CSMD3: variants seen among roughly 807,000 people sequenced by gnomAD.
CSMD3 encodes the protein CUB and Sushi multiple domains 3.
A neutral mutation model predicts 435.2 loss-of-function variants in CSMD3; 177 were observed. The observed-to-expected ratio is 0.41, with a 90% CI of 0.36 to 0.46. The LOEUF (loss-of-function observed/expected upper bound fraction) is 0.46, where lower values mean the gene tolerates loss of function less well. Ranked by LOEUF, CSMD3 falls within the 20% of genes least tolerant of loss-of-function variation. The pLI, the probability that CSMD3 is intolerant of heterozygous loss-of-function variation, is 0.34. For missense variants in CSMD3, 4,265 were observed against 4,504.6 expected, an observed-to-expected ratio of 0.95 and a Z score of 1.52; for synonymous variants, 1,656 against 1,520.5, an observed-to-expected ratio of 1.09 and a Z score of -2.07.
chr8:113,398,451 TA>T (rs1250278542), intron 1 of CSMD3, among the ~76,000 whole-genome samples: 1 of 152,148 alleles, frequency 6.6e-6, no homozygotes, highest in Non-Finnish European at 1.5e-5. Context: ...AGCAAATCCC[TA>T]GTTTATTTTT....
intron 24 of CSMD3, among the ~76,000 whole-genome samples, chr8:112,558,122 G>A (rs1226251519): frequency 1.3e-5 from 2 of 151,708 alleles, no homozygotes; most frequent in African/African-American, 2.4e-5. Flanking sequence ...TGATTAGAAG[G>A]CCTCAGAAGC....
chr8:112,492,553 T>C lies in CSMD3; in HGVS notation c.5214A>G (p.Thr1738=), dbSNP rs1184183898. 6.2e-7 allele frequency: 1 copy of C among 1,613,876 alleles called. No homozygotes were observed. Among genetic ancestry groups the C allele is most frequent in the Non-Finnish European group, 8.5e-7 (1 of 1,179,818 alleles). Residue 1738 remains threonine, a synonymous_variant, in exon 31 of 71, where the codon ACA becomes ACG. Coordinates refer to ENST00000297405, the MANE Select transcript of CSMD3 (RefSeq NM_198123.2). ...DAGYVLQGYS[T]LTCIMGDDGR... is the part of the protein sequence containing the mutation. ...CATCATCTCCCATGATACAGGTGAG[T>C]GTTGAATAACCTTGAAGAACATAAC...
intron 5 of CSMD3, among the ~76,000 whole-genome samples, chr8:113,062,981 A>C (rs1422204301): frequency 6.6e-6 from 1 of 151,734 alleles, no homozygotes; most frequent in Non-Finnish European, 1.5e-5. Context: ...TACTGATTAT[A>C]GTTTTGTTAA....
chr8:112,975,723 T>G (rs1253598857), intron 7 of CSMD3, 114 bp downstream of exon 7: 5 of 1,532,850 alleles, frequency 3.3e-6, no homozygotes, highest in Middle Eastern at 2.4e-4. Context: ...TTTGAACTTT[T>G]TCTTTTGCTT....
At chr8:113,176,364 T>A (rs2092346584) in intron 3 of CSMD3, among the ~76,000 whole-genome samples, 1 of 152,064 alleles carries the variant, frequency 6.6e-6, no homozygotes, top group Admixed American at 6.6e-5. Flanking sequence ...ATTATATTTT[T>A]GTCTTCTTCC....
intron 10 of CSMD3, among the ~76,000 whole-genome samples, chr8:112,870,017 T>G (rs780866748): frequency 5.9e-5 from 9 of 152,216 alleles, no homozygotes; most frequent in Non-Finnish European, 1.3e-4. Flanking sequence ...CTGCACGTTC[T>G]GCATATGTAT....
intron 4 of CSMD3, among the ~76,000 whole-genome samples, chr8:113,148,611 G>A (rs932861640): frequency 1.3e-5 from 2 of 151,644 alleles, no homozygotes; most frequent in African/African-American, 4.8e-5. Flanking sequence ...AATGAGCAAT[G>A]AATTAATACA....
intron 59 of CSMD3, among the ~76,000 whole-genome samples, chr8:112,276,278 AG>A (rs1818031606): frequency 6.6e-6 from 1 of 152,320 alleles, no homozygotes; most frequent in African/African-American, 2.4e-5. Flanking sequence ...GTGGCTTTGC[AG>A]GTACAGCCTC....
intron 66 of CSMD3, among the ~76,000 whole-genome samples, chr8:112,237,978 T>C (rs749559430): frequency 2.0e-4 from 30 of 152,216 alleles, no homozygotes; most frequent in Non-Finnish European, 4.3e-4. Flanking sequence ...TGAATTGTGG[T>C]AGAATCAAAG....
At chr8:113,399,382 C>T (rs1364963357) in intron 1 of CSMD3, among the ~76,000 whole-genome samples, 1 of 151,640 alleles carries the variant, frequency 6.6e-6, no homozygotes, top group Non-Finnish European at 1.5e-5. Context: ...AACTTCTTAA[C>T]AGCACTGTTA....
chr8:112,654,156 A>C (rs2075201192), intron 18 of CSMD3, among the ~76,000 whole-genome samples: 1 of 152,212 alleles, frequency 6.6e-6, no homozygotes, highest in African/African-American at 2.4e-5. Flanking sequence ...TTTGATTAAA[A>C]AAATAGAAAT....
In CSMD3 at chr8:112,223,210, C is replaced by G. The variant is rs146036612; in HGVS notation, c.*1561G>C. ...AAAACTGCATCCTGCCAGTAGAGTA[C>G]CATGTTGAGAAAATTGTATGAATTT... On this transcript the variant is annotated 3_prime_UTR_variant, in exon 71 of 71. Transcript: ENST00000297405. The G allele has an allele frequency of 3.1e-4, 120 of 392,550 alleles. No individual in the cohort carries two copies. Among genetic ancestry groups the G allele is most frequent in the African/African-American group, 2.1e-3 (103 of 48,562 alleles). The allele number at this position is 392,550 out of a possible 1,614,324, so 24.3% of individuals were successfully genotyped here. A position where few individuals can be genotyped will look rare whatever the true frequency, so the allele number is the denominator to read the frequency against.
chr8:113,212,907 TA>T (rs56751881), intron 3 of CSMD3, among the ~76,000 whole-genome samples: 42,656 of 139,952 alleles, frequency 0.3, 7,208 homozygotes, highest in African/African-American at 0.49. Context: ...ATATATATAT[TA>T]AAAAAAAAAA....
At chr8:112,632,267 T>C (rs1161101947) in intron 22 of CSMD3, among the ~76,000 whole-genome samples, 1 of 152,044 alleles carries the variant, frequency 6.6e-6, no homozygotes, top group Non-Finnish European at 1.5e-5. Context: ...ATAACTATCA[T>C]CATATATCAT....
chr8:113,050,302 G>T (rs191740472), intron 5 of CSMD3, among the ~76,000 whole-genome samples: 1 of 151,874 alleles, frequency 6.6e-6, no homozygotes, highest in East Asian at 1.9e-4. Context: ...ATGAGAGAAA[G>T]AAAAAATTGA....
intron 11 of CSMD3, among the ~76,000 whole-genome samples, chr8:112,855,221 T>A (rs1338586671): frequency 6.6e-6 from 1 of 152,142 alleles, no homozygotes; most frequent in Non-Finnish European, 1.5e-5. Flanking sequence ...GCTAGACCAA[T>A]ATCCTTCAAA....
intron 22 of CSMD3, among the ~76,000 whole-genome samples, chr8:112,598,445 A>G (rs1250082988): frequency 6.7e-6 from 1 of 148,718 alleles, no homozygotes; most frequent in Admixed American, 6.7e-5. Context: ...CATACTGCCC[A>G]AGGTAATTTA....
At chr8:112,998,434 T>C (rs2085737311) in intron 6 of CSMD3, among the ~76,000 whole-genome samples, 1 of 151,906 alleles carries the variant, frequency 6.6e-6, no homozygotes, top group Non-Finnish European at 1.5e-5. Flanking sequence ...AGAAATATGT[T>C]CTCTTTCTTC....
chr8:113,291,182 T>A (rs898035336), intron 2 of CSMD3, among the ~76,000 whole-genome samples: 1 of 151,662 alleles, frequency 6.6e-6, no homozygotes, highest in African/African-American at 2.4e-5. Context: ...TTGAAAACCA[T>A]GGAAATATGA....
Sources: allele counts gnomAD v4.1 joint callset (sites outside exome capture counted in the v4.1 genomes callset), GRCh38; gene constraint gnomAD v4.1.1; transcripts MANE v1.5; gene names NCBI Gene and HGNC (gene_info 2026-07-23, HGNC 2026-07-21).